The following ACACA variants were observed in gnomAD, a reference collection of about 807,000 sequenced individuals.
ACACA encodes the protein acetyl-CoA carboxylase alpha.
A neutral mutation model predicts 296.1 loss-of-function variants in ACACA; 103 were observed. The observed-to-expected ratio is 0.35, with a 90% CI of 0.30 to 0.41. The LOEUF (loss-of-function observed/expected upper bound fraction) is 0.41, where lower values mean the gene tolerates loss of function less well. ACACA is among the 10% of genes least tolerant of loss of function. The pLI is 1.00. For missense variants in ACACA, 1,554 were observed against 2,989.7 expected (o/e 0.52, Z 11.20); for synonymous variants, 953 against 1,038.6 (o/e 0.92, Z 1.58).
chr17:37,354,938 A>G (rs1381480108), intron 1 of ACACA, among the ~76,000 whole-genome samples: 1 of 152,034 alleles, frequency 6.6e-6, no homozygotes, highest in Non-Finnish European at 1.5e-5. Context: ...CTAAAAAAAT[A>G]ATAAATCAAA....
chr17:37,243,482 CATA>C lies in ACACA; in HGVS notation c.2817_2819del (p.Ile939del). 1 of 1,614,120 alleles carries C rather than the reference CATA, an allele frequency of 6.2e-7. No individual in the cohort carries two copies. The highest frequency in any genetic ancestry group is 8.5e-7 in the Non-Finnish European group (1 of 1,180,006). On this transcript the variant is annotated inframe_deletion, in exon 22 of 56. Coordinates refer to ENST00000616317, the MANE Select transcript of ACACA (RefSeq NM_198834.3). ...GGGGAATGCGGCCAGACACACTGGT[CATA>C]ATATCTTGCAATTCTAGGAGAGGCA...
chr17:37,328,675 T>C lies in ACACA; in HGVS notation c.338+1498A>G, dbSNP rs1306818922. On this transcript the variant is annotated intron_variant, in intron 3 of 55. Coordinates refer to ENST00000616317, the MANE Select transcript of ACACA (RefSeq NM_198834.3). ...CCAGATCTCATACAGGATTTTATTA[T>C]AGAGTTGATATATTTAGTGTATAAA... 2.1e-5 allele frequency: 8 copies of C among 373,018 alleles called. No homozygotes were observed. In the Admixed American group the frequency reaches 2.3e-4, roughly 11 times the overall value. The allele number at this position is 373,018 out of a possible 1,614,324, so 23.1% of individuals were successfully genotyped here.
intron 3 of ACACA, among the ~76,000 whole-genome samples, chr17:37,297,072 TATAGAG>T (rs980603095): frequency 6.6e-5 from 10 of 152,024 alleles, no homozygotes; most frequent in African/African-American, 2.4e-4. Context: ...AATATATACT[TATAGAG>T]ATATATATGC....
At chr17:37,379,230 A>G (rs1322362236) in intron 1 of ACACA, 1 of 1,613,910 alleles carries the variant, frequency 6.2e-7, no homozygotes, top group South Asian at 1.1e-5. Context: ...GTAAAAGTCA[A>G]CCTTGTATAT....
At chr17:37,401,709 C>A (rs1339296932) in intron 1 of ACACA, among the ~76,000 whole-genome samples, 1 of 152,074 alleles carries the variant, frequency 6.6e-6, no homozygotes, top group Non-Finnish European at 1.5e-5. Flanking sequence ...CAGGCGTGTG[C>A]TATCATGCCC....
chr17:37,177,668 G>C (rs536068362), intron 41 of ACACA, among the ~76,000 whole-genome samples: 3 of 152,200 alleles, frequency 2.0e-5, no homozygotes, highest in Admixed American at 2.0e-4. Context: ...CAGAATTTAA[G>C]TCTAGCACAA....
At chr17:37,373,189 T>G (rs1343807839) in intron 1 of ACACA, among the ~76,000 whole-genome samples, 1 of 151,904 alleles carries the variant, frequency 6.6e-6, no homozygotes, top group East Asian at 1.9e-4. Flanking sequence ...TACTCCTGGA[T>G]ATTTTGACTG....
At chr17:37,381,696 C>G (rs1249915895) in intron 1 of ACACA, among the ~76,000 whole-genome samples, 1 of 145,724 alleles carries the variant, frequency 6.9e-6, no homozygotes, top group Non-Finnish European at 1.5e-5. Context: ...GGTGCGATCT[C>G]AGCTCACTGC....
At chr17:37,250,525 C>T (rs2680391) in intron 16 of ACACA, among the ~76,000 whole-genome samples, 18,762 of 151,974 alleles carry the variant, frequency 0.12, 1,779 homozygotes, top group East Asian at 0.44. Flanking sequence ...GTAGTCCCAG[C>T]TACTCATGTG....
intron 45 of ACACA, among the ~76,000 whole-genome samples, chr17:37,137,759 G>T (rs1486062843): frequency 6.6e-6 from 1 of 151,958 alleles, no homozygotes; most frequent in African/African-American, 2.4e-5. Context: ...TTCTTTACAT[G>T]GGCTAAAATT....
intron 1 of ACACA, among the ~76,000 whole-genome samples, chr17:37,362,818 G>A (rs528581864): frequency 9.9e-5 from 15 of 151,828 alleles, no homozygotes; most frequent in Non-Finnish European, 2.1e-4. Flanking sequence ...TACTAAAAAC[G>A]CAAAAAATTA....
At chr17:37,365,500 G>A (rs2049575760) in intron 1 of ACACA, 1 of 985,306 alleles carries the variant, frequency 1.0e-6, no homozygotes, top group Non-Finnish European at 1.2e-6. Flanking sequence ...GTCTCTGAGA[G>A]GCAAAGCCTC....
At chr17:37,277,243 C>A in intron 6 of ACACA, 129 bp from the exon 7 acceptor site, 1 of 801,838 alleles carries the variant, frequency 1.2e-6, no homozygotes, top group Non-Finnish European at 2.1e-6. Context: ...ATGCTTAATT[C>A]AGCTTCTATG....
intron 42 of ACACA, among the ~76,000 whole-genome samples, chr17:37,160,183 T>C (rs946350037): frequency 6.6e-6 from 1 of 151,988 alleles, no homozygotes; most frequent in Non-Finnish European, 1.5e-5. Flanking sequence ...ACTGGAGGGG[T>C]GTTTGTATGC....
chr17:37,298,741 C>G lies in ACACA; in HGVS notation c.339-13771G>C, dbSNP rs540764707. The stretch of plus-strand genomic sequence containing the variant: ...CTGAAGAAGGCCCAAGAAGGCCTGA[C>G]TCATTTCCTCCTCAGCCTGAGTTCT... On this transcript the variant is annotated intron_variant, in intron 3 of 55. Transcript: ENST00000616317. Among the ~76,000 whole-genome samples, 84 of 152,346 alleles carry G rather than the reference C, an allele frequency of 5.5e-4. 1 individual carries two copies. Among genetic ancestry groups the G allele is most frequent in the Middle Eastern group, 3.4e-3 (1 of 294 alleles).
chr17:37,102,627 G>C (rs2142862507), intron 52 of ACACA, among the ~76,000 whole-genome samples: 1 of 152,334 alleles, frequency 6.6e-6, no homozygotes, highest in African/African-American at 2.4e-5. Flanking sequence ...GGCCACTATA[G>C]GGAAACCAGC....
Position 37,161,996 on chromosome 17 carries a change from G to A in ACACA, c.5134C>T (p.Arg1712Ter), listed in dbSNP as rs1435392082. 6.2e-7 allele frequency: 1 copy of A among 1,613,956 alleles called. No homozygotes were observed. Among genetic ancestry groups the A allele is most frequent in the Non-Finnish European group, 8.5e-7 (1 of 1,180,020 alleles). The change falls in exon 42 of 56, where the codon CGA (arginine) becomes TGA (stop). Residue 1712 changes from arginine (R) to a stop codon, truncating the protein, a stop_gained. Transcript: ENST00000616317. LOFTEE classifies it high-confidence loss of function. ...TFKSPEYPEGRDIIVIGNDIT... is the reference protein window; with the variant it reads ...TFKSPEYPEG ...TCATTGCCAATAACAATGATATCTC[G>A]GCCTTCTGGATATTCAGGACTTTTA...
At chr17:37,216,046 A>C (rs542124685) in intron 29 of ACACA, among the ~76,000 whole-genome samples, 14 of 151,028 alleles carry the variant, frequency 9.3e-5, no homozygotes, top group Middle Eastern at 3.4e-3. Context: ...TCAGTTAAAA[A>C]ATGACACATT....
intron 19 of ACACA, among the ~76,000 whole-genome samples, chr17:37,246,440 T>TAA (rs1404736887): frequency 6.6e-6 from 1 of 152,006 alleles, no homozygotes; most frequent in African/African-American, 2.4e-5. Context: ...TTTTTAGAAA[T>TAA]AGGGTCTTGA....
Sources: allele counts gnomAD v4.1 joint callset (sites outside exome capture counted in the v4.1 genomes callset), GRCh38; gene constraint gnomAD v4.1.1; transcripts MANE v1.5; gene names NCBI Gene and HGNC (gene_info 2026-07-23, HGNC 2026-07-21).